AKAP6: variants seen among roughly 807,000 people sequenced by gnomAD.
AKAP6 encodes the protein A-kinase anchor protein 6.
Under a neutral mutation model 188.5 loss-of-function variants are expected in AKAP6, and 58 were observed. That is an observed-to-expected ratio of 0.31 (90% confidence interval 0.25 to 0.38). AKAP6 has a LOEUF of 0.38. Ranked by LOEUF, AKAP6 falls within the 10% of genes least tolerant of loss-of-function variation. The pLI is 1.00. For synonymous variants in AKAP6, 989 were observed against 998.6 expected (o/e 0.99, Z 0.18); for missense variants, 2,710 against 2,740.0 (o/e 0.99, Z 0.24).
Position 32,546,646 on chromosome 14 carries a change from A to C in AKAP6, c.1993A>C (p.Asn665His). ...PQKPRGETIQ[N>H]IDDWELSEMN... is the part of the protein sequence containing the mutation. ...GAAACCCAGAGGAGAAACCATCCAG[A>C]ATATTGATGACTGGGAACTGTCTGA... The change falls in exon 4 of 14, where the codon AAT becomes CAT. Residue 665 changes from asparagine (N) to histidine (H), a missense_variant. Coordinates refer to ENST00000280979, the MANE Select transcript of AKAP6 (RefSeq NM_004274.5). 1 of 1,614,190 alleles carries C rather than the reference A, an allele frequency of 6.2e-7. No individual in the cohort carries two copies. Among genetic ancestry groups the C allele is most frequent in the Non-Finnish European group, 8.5e-7 (1 of 1,180,022 alleles).
chr14:32,618,523 A>G (rs1035136862), intron 7 of AKAP6, among the ~76,000 whole-genome samples: 1 of 152,076 alleles, frequency 6.6e-6, no homozygotes, highest in Non-Finnish European at 1.5e-5. Context: ...AAAAGACATT[A>G]TTTTGTTCTT....
chr14:32,378,957 C>T (rs566953849), intron 1 of AKAP6, among the ~76,000 whole-genome samples: 33 of 147,688 alleles, frequency 2.2e-4, no homozygotes, highest in Middle Eastern at 3.5e-3. Context: ...TCACTCTTGT[C>T]ACCCAGGCTA....
At chr14:32,402,548 T>C (rs1889130381) in intron 1 of AKAP6, among the ~76,000 whole-genome samples, 1 of 152,192 alleles carries the variant, frequency 6.6e-6, no homozygotes. Context: ...AAGCTAGAAA[T>C]GATATTTCTT....
chr14:32,690,435 T>C (rs1890131158), intron 8 of AKAP6, among the ~76,000 whole-genome samples: 1 of 152,182 alleles, frequency 6.6e-6, no homozygotes, highest in Admixed American at 6.5e-5. Flanking sequence ...CATCAGGGTT[T>C]AGAGGAAGGA....
At chr14:32,708,129 T>G (rs549108409) in intron 9 of AKAP6, among the ~76,000 whole-genome samples, 1 of 152,170 alleles carries the variant, frequency 6.6e-6, no homozygotes, top group South Asian at 2.1e-4. Context: ...TGTGCAAATG[T>G]GAAACCTAAA....
Position 32,780,973 on chromosome 14 carries a change from A to T in AKAP6, c.3588+7080A>T, listed in dbSNP as rs149278126. Among the ~76,000 whole-genome samples, 217 of 152,278 alleles carry T rather than the reference A, an allele frequency of 1.4e-3. 3 individuals carry two copies. The East Asian group carries it at 0.033, about 23-fold the overall frequency. ...TAATTGAATAGTAACAAAATATTAA[A>T]ATCTGTGGGATGCCACCAAAACTAA... On this transcript the variant is annotated intron_variant, in intron 12 of 13. Coordinates refer to ENST00000280979, the MANE Select transcript of AKAP6 (RefSeq NM_004274.5).
chr14:32,415,764 C>T (rs1398582823), intron 1 of AKAP6, among the ~76,000 whole-genome samples: 1 of 152,168 alleles, frequency 6.6e-6, no homozygotes, highest in Non-Finnish European at 1.5e-5. Flanking sequence ...CTAAGTACCT[C>T]ATATCAGTGG....
chr14:32,548,345 G>T (rs376321893), intron 4 of AKAP6, among the ~76,000 whole-genome samples: 1 of 151,806 alleles, frequency 6.6e-6, no homozygotes, highest in Non-Finnish European at 1.5e-5. Context: ...CAGGTGATCC[G>T]CCTGCCTTGG....
rs185100609 is a variant in AKAP6, at chr14:32,457,531, C to G, written c.324+23714C>G. Among the ~76,000 whole-genome samples the G allele has an allele frequency of 1.1e-4, 17 of 152,234 alleles. No homozygotes were observed. The East Asian group carries it at 3.3e-3, about 29-fold the overall frequency. On this transcript the variant is annotated intron_variant, in intron 2 of 13. Transcript: ENST00000280979. ...AGGGGAGGCTGAACTAAAAAAAAAT[C>G]TTAACCTTCTTGTTAATTAAAGGGT...
At chr14:32,369,636 C>G (rs1887944984) in intron 1 of AKAP6, among the ~76,000 whole-genome samples, 1 of 152,202 alleles carries the variant, frequency 6.6e-6, no homozygotes, top group South Asian at 2.1e-4. Flanking sequence ...ATCTTTTCCT[C>G]AACAGGTGAG....
chr14:32,569,748 TA>T (rs1884386408), intron 4 of AKAP6, among the ~76,000 whole-genome samples: 1 of 152,178 alleles, frequency 6.6e-6, no homozygotes, highest in African/African-American at 2.4e-5. Context: ...TTTACTTTTC[TA>T]AAAAAGGTTC....
At chr14:32,468,826 C>A (rs866597206) in intron 2 of AKAP6, among the ~76,000 whole-genome samples, 1 of 152,044 alleles carries the variant, frequency 6.6e-6, no homozygotes, top group Non-Finnish European at 1.5e-5. Context: ...GACTTGCCCC[C>A]CTTTGCTCTA....
intron 2 of AKAP6, among the ~76,000 whole-genome samples, chr14:32,529,280 G>T (rs1044574426): frequency 1.3e-5 from 2 of 152,050 alleles, no homozygotes; most frequent in African/African-American, 4.8e-5. Context: ...TTCATTGCTG[G>T]TATATAGGAA....
intron 9 of AKAP6, among the ~76,000 whole-genome samples, chr14:32,723,338 A>G (rs1168105104): frequency 6.6e-6 from 1 of 152,052 alleles, no homozygotes; most frequent in Non-Finnish European, 1.5e-5. Flanking sequence ...ACTCTGCCTG[A>G]CTTTACATTT....
At chr14:32,611,796 AC>A (rs1886362444) in intron 7 of AKAP6, among the ~76,000 whole-genome samples, 1 of 152,130 alleles carries the variant, frequency 6.6e-6, no homozygotes, top group African/African-American at 2.4e-5. Flanking sequence ...GAAGAATAGG[AC>A]TAGTGAAAAA....
At chr14:32,468,636 G>A (rs187429572) in intron 2 of AKAP6, among the ~76,000 whole-genome samples, 35 of 152,198 alleles carry the variant, frequency 2.3e-4, no homozygotes, top group African/African-American at 7.0e-4. Context: ...AGACAAAAGC[G>A]CAAATCAGGA....
chr14:32,516,226 T>A (rs1288263547), intron 2 of AKAP6, among the ~76,000 whole-genome samples: 1 of 152,244 alleles, frequency 6.6e-6, no homozygotes, highest in Non-Finnish European at 1.5e-5. Flanking sequence ...CCTCTCAGGG[T>A]ATGCCTTCTA....
intron 2 of AKAP6, among the ~76,000 whole-genome samples, chr14:32,461,659 A>C (rs1891327122): frequency 6.6e-6 from 1 of 152,098 alleles, no homozygotes; most frequent in Non-Finnish European, 1.5e-5. Flanking sequence ...TCCAAAAACC[A>C]GAATGCCTCT....
chr14:32,651,588 G>A (rs1469469974), intron 7 of AKAP6, among the ~76,000 whole-genome samples: 1 of 152,112 alleles, frequency 6.6e-6, no homozygotes, highest in Non-Finnish European at 1.5e-5. Flanking sequence ...GTGCCTGGTG[G>A]CTACATTCTC....
Sources: allele counts gnomAD v4.1 joint callset (sites outside exome capture counted in the v4.1 genomes callset), GRCh38; gene constraint gnomAD v4.1.1; transcripts MANE v1.5; gene names NCBI Gene and HGNC (gene_info 2026-07-23, HGNC 2026-07-21).